Variants in PTPRT observed in about 807,000 individuals in gnomAD.
The protein encoded by PTPRT is protein tyrosine phosphatase receptor type T.
PTPRT carries 56 observed loss-of-function variants against 176.8 expected under a neutral mutation model. That is an observed-to-expected ratio of 0.32 (90% CI 0.26 to 0.40). The LOEUF is 0.40. PTPRT is among the 10% of genes least tolerant of loss of function. The probability of loss-of-function intolerance (pLI) is 1.00; values close to 1 mark genes in which losing one functional copy is unlikely to be tolerated. For missense variants in PTPRT, 1,540 were observed against 1,908.2 expected, an observed-to-expected ratio of 0.81 and a Z score of 3.60; for synonymous variants, 783 against 739.0, an observed-to-expected ratio of 1.06 and a Z score of -0.96.
At chr20:42,426,948 G>A (rs1266320279) in intron 9 of PTPRT, among the ~76,000 whole-genome samples, 1 of 152,158 alleles carries the variant, frequency 6.6e-6, no homozygotes, top group Admixed American at 6.6e-5. Flanking sequence ...AAGGTAGGAG[G>A]GCAGAGGTCA....
intron 19 of PTPRT, among the ~76,000 whole-genome samples, chr20:42,122,720 T>C (rs1207147945): frequency 6.6e-6 from 1 of 152,230 alleles, no homozygotes; most frequent in Non-Finnish European, 1.5e-5. Context: ...CCTAACCCCA[T>C]GAGCTTCCTC....
At chr20:43,018,228 C>G (rs1031158722) in intron 1 of PTPRT, among the ~76,000 whole-genome samples, 1 of 152,044 alleles carries the variant, frequency 6.6e-6, no homozygotes. Context: ...TCTCACAAAC[C>G]CAGAGGAATA....
chr20:42,675,345 T>C (rs1301329810), intron 7 of PTPRT, among the ~76,000 whole-genome samples: 2 of 152,248 alleles, frequency 1.3e-5, no homozygotes, highest in Non-Finnish European at 2.9e-5. Context: ...TAATACGATA[T>C]CTTGGGGATG....
intron 9 of PTPRT, among the ~76,000 whole-genome samples, chr20:42,355,023 C>T (rs1056796613): frequency 1.3e-5 from 2 of 152,154 alleles, no homozygotes; most frequent in Admixed American, 6.5e-5. Flanking sequence ...ACAGCATTCC[C>T]TCTGGTCACC....
chr20:43,120,594 T>C (rs377013705), intron 1 of PTPRT, among the ~76,000 whole-genome samples: 2 of 152,190 alleles, frequency 1.3e-5, no homozygotes, highest in East Asian at 3.9e-4. Flanking sequence ...TTAAAAAACA[T>C]TGTTATCTTG....
chr20:42,856,642 C>G (rs1019946492), intron 2 of PTPRT, among the ~76,000 whole-genome samples: 1 of 151,996 alleles, frequency 6.6e-6, no homozygotes, highest in Non-Finnish European at 1.5e-5. Flanking sequence ...AGGTACTGTC[C>G]TCTCATCAAT....
intron 1 of PTPRT, among the ~76,000 whole-genome samples, chr20:42,994,308 C>G (rs950758188): frequency 6.6e-6 from 1 of 152,182 alleles, no homozygotes; most frequent in East Asian, 1.9e-4. Context: ...AGGCTGAACT[C>G]AGAGACCAAA....
chr20:42,143,411 G>T (rs1988716590), intron 17 of PTPRT, among the ~76,000 whole-genome samples: 1 of 152,114 alleles, frequency 6.6e-6, no homozygotes, highest in South Asian at 2.1e-4. Context: ...AGAAAAATTA[G>T]CCGGGCATGG....
intron 9 of PTPRT, among the ~76,000 whole-genome samples, chr20:42,388,458 G>T (rs2058766296): frequency 6.6e-6 from 1 of 152,168 alleles, no homozygotes; most frequent in Non-Finnish European, 1.5e-5. Context: ...ATCAAAAAGT[G>T]AGCAAGGGAT....
At chr20:42,646,311 G>T (rs888977366) in intron 7 of PTPRT, among the ~76,000 whole-genome samples, 1 of 152,134 alleles carries the variant, frequency 6.6e-6, no homozygotes, top group African/African-American at 2.4e-5. Flanking sequence ...ATGGACCATG[G>T]ACCAAATCCA....
rs573974919 is a variant in PTPRT at position 42,517,842 on chromosome 20, T to C, written c.1154-45280A>G. ...TTAATTATAAACAAGGAATGTAGTC[T>C]GTGTGATAACAGATTGAGTTGAGGA... On this transcript the variant is annotated intron_variant, in intron 7 of 30. Transcript: ENST00000373187. Among the ~76,000 whole-genome samples, 22 of 152,118 alleles carry C rather than the reference T, an allele frequency of 1.4e-4. 1 individual carries two copies. Among genetic ancestry groups the C allele is most frequent in the Middle Eastern group, 3.4e-3 (1 of 294 alleles).
chr20:42,103,474 TTA>T (rs1986144155), intron 25 of PTPRT, among the ~76,000 whole-genome samples: 1 of 152,188 alleles, frequency 6.6e-6, no homozygotes, highest in Non-Finnish European at 1.5e-5. Context: ...ATTTTATTTT[TTA>T]TGTTTTTGAG....
At chr20:42,447,164 A>G (rs2070748325) in intron 9 of PTPRT, among the ~76,000 whole-genome samples, 2 of 151,984 alleles carry the variant, frequency 1.3e-5, no homozygotes, top group East Asian at 1.9e-4. Context: ...CCCACTCCCT[A>G]TACATGCATG....
At chr20:42,255,535 G>A (rs2146942091) in intron 13 of PTPRT, among the ~76,000 whole-genome samples, 1 of 152,292 alleles carries the variant, frequency 6.6e-6, no homozygotes, top group South Asian at 2.1e-4. Context: ...GATAAAGGCA[G>A]AGCCCCTAGA....
chr20:42,730,277 G>A (rs930683742), intron 6 of PTPRT, among the ~76,000 whole-genome samples: 2 of 152,152 alleles, frequency 1.3e-5, no homozygotes, highest in Admixed American at 6.5e-5. Context: ...CTCACTGCTA[G>A]AAATAAGACC....
intron 1 of PTPRT, among the ~76,000 whole-genome samples, chr20:43,101,021 C>T (rs146861881): frequency 0.011 from 1,695 of 152,240 alleles, 49 homozygotes; most frequent in African/African-American, 0.039. Flanking sequence ...ATAATAGGCA[C>T]GTTTAAGAAA....
At chr20:42,671,488 GTC>G (rs964947359) in intron 7 of PTPRT, among the ~76,000 whole-genome samples, 2 of 152,216 alleles carry the variant, frequency 1.3e-5, no homozygotes, top group Admixed American at 6.5e-5. Flanking sequence ...AGACAAGAGA[GTC>G]TCTGAGATCC....
the PTPRT span, among the ~76,000 whole-genome samples, chr20:42,059,653 G>A: frequency 1.1e-4 from 16 of 152,146 alleles, no homozygotes; most frequent in Non-Finnish European, 1.9e-4. Flanking sequence ...CTGAGCTTAG[G>A]TGTCTCTGGT....
At chr20:43,015,439 G>A (rs958945046) in intron 1 of PTPRT, among the ~76,000 whole-genome samples, 48 of 152,124 alleles carry the variant, frequency 3.2e-4, no homozygotes, top group Non-Finnish European at 7.4e-5. Context: ...AGTATTTTAC[G>A]GGTATCATAA....
Sources: gnomAD v4.1 joint callset for allele counts (sites outside exome capture counted in the v4.1 genomes callset) on GRCh38, gnomAD v4.1.1 for gene constraint, MANE v1.5 for transcripts, NCBI Gene and HGNC (gene_info 2026-07-23, HGNC 2026-07-21) for gene names.